The following CUX1 variants were observed in gnomAD, a reference collection of about 807,000 sequenced individuals.
CUX1 encodes cut like homeobox 1.
Under a neutral mutation model 158.8 loss-of-function variants are expected in CUX1, and 31 were observed. The observed-to-expected ratio is 0.20, with a 90% CI of 0.15 to 0.26. The LOEUF is 0.26. Ranked by LOEUF, CUX1 falls within the 10% of genes least tolerant of loss-of-function variation. CUX1 has a pLI of 1.00. For missense variants in CUX1, 1,589 were observed against 2,014.6 expected, an observed-to-expected ratio of 0.79 and a Z score of 4.04; for synonymous variants, 879 against 862.1, an observed-to-expected ratio of 1.02 and a Z score of -0.34.
At chr7:101,862,131 G>A (rs904769227) in intron 1 of CUX1, among the ~76,000 whole-genome samples, 26 of 152,224 alleles carry the variant, frequency 1.7e-4, no homozygotes, top group African/African-American at 5.8e-4. Context: ...CACTGTGCCC[G>A]GCCACCCCTA....
rs975564118 is a variant in CUX1 at position 102,251,343 on chromosome 7, T to A, written c.*2301T>A. 3.2e-5 allele frequency: 32 copies of A among 985,348 alleles called. No individual in the cohort carries two copies. The highest frequency in any genetic ancestry group is 3.7e-5 in the Non-Finnish European group (31 of 829,952). 61.0% of individuals were successfully genotyped at this position (985,348 alleles called of 1,614,324 possible). On this transcript the variant is annotated 3_prime_UTR_variant, in exon 24 of 24. Transcript: ENST00000292535. ...CTTGTAGGACTTTGACTGTAAGATG[T>A]GAAACCACGTTTCTTGCATGATGTT...
intron 21 of CUX1, among the ~76,000 whole-genome samples, chr7:102,231,584 T>C (rs933318863): frequency 6.6e-6 from 1 of 152,176 alleles, no homozygotes; most frequent in Non-Finnish European, 1.5e-5. Context: ...TGATTTTTTT[T>C]TCCCCATTCA....
chr7:101,998,889 G>A (rs1419698963), intron 2 of CUX1, among the ~76,000 whole-genome samples: 1 of 152,198 alleles, frequency 6.6e-6, no homozygotes, highest in African/African-American at 2.4e-5. Flanking sequence ...ACAGGCCCCT[G>A]AGCCCCCAGG....
At chr7:101,882,062 T>C (rs1367975974) in intron 1 of CUX1, among the ~76,000 whole-genome samples, 1 of 150,600 alleles carries the variant, frequency 6.6e-6, no homozygotes, top group Non-Finnish European at 1.5e-5. Context: ...TGCACGCCTG[T>C]AGTCCCATCT....
intron 8 of CUX1, among the ~76,000 whole-genome samples, chr7:102,138,390 T>G (rs1436435240): frequency 6.6e-6 from 1 of 152,204 alleles, no homozygotes; most frequent in Non-Finnish European, 1.5e-5. Flanking sequence ...ATCTCTGTCC[T>G]AGGCTTTCTG....
At chr7:102,273,131 C>CCAGA (rs1791347697) in intron 14 of CUX1, among the ~76,000 whole-genome samples, 1 of 152,240 alleles carries the variant, frequency 6.6e-6, no homozygotes, top group Non-Finnish European at 1.5e-5. Flanking sequence ...TTTCATCAAT[C>CCAGA]CAGAGAGTGC....
At chr7:102,169,147 G>A (rs1791438926) in intron 9 of CUX1, among the ~76,000 whole-genome samples, 1 of 151,758 alleles carries the variant, frequency 6.6e-6, no homozygotes, top group Non-Finnish European at 1.5e-5. Context: ...TGGTCAGGCT[G>A]GTCTCGAACT....
rs147305292 is a variant in CUX1, at chr7:102,203,817, G to A, written c.2908-574G>A. On this transcript the variant is annotated intron_variant, in intron 18 of 23. Transcript: ENST00000292535. Reference sequence around the variant, plus strand: ...TACACGCAACTCGGCAATCATCTGCGGCGGAATGTCACTCCCAGGCCGGCT... The same window carrying A: ...TACACGCAACTCGGCAATCATCTGCAGCGGAATGTCACTCCCAGGCCGGCT... Among the ~76,000 whole-genome samples, 7 of 152,208 alleles carry A rather than the reference G, an allele frequency of 4.6e-5. No individual in the cohort carries two copies. The East Asian group carries it at 5.8e-4, about 13-fold the overall frequency.
chr7:101,984,090 AT>A (rs55654364), intron 2 of CUX1, among the ~76,000 whole-genome samples: 16,604 of 33,956 alleles, frequency 0.49, 4,295 homozygotes, highest in East Asian at 0.58. Flanking sequence ...AAAAAAAAAA[AT>A]ATATATATAT....
At chr7:102,238,405 C>G (rs1027730670) in intron 22 of CUX1, among the ~76,000 whole-genome samples, 1 of 152,232 alleles carries the variant, frequency 6.6e-6, no homozygotes, top group East Asian at 1.9e-4. Flanking sequence ...CTGGTCACTC[C>G]TCACTGTGTC....
chr7:102,025,119 C>T (rs1299066125), intron 2 of CUX1, among the ~76,000 whole-genome samples: 1 of 152,182 alleles, frequency 6.6e-6, no homozygotes, highest in Non-Finnish European at 1.5e-5. Flanking sequence ...CTCTGAGCCT[C>T]CTGCCTGTCT....
intron 2 of CUX1, among the ~76,000 whole-genome samples, chr7:101,938,862 G>A (rs974859400): frequency 5.3e-5 from 8 of 151,704 alleles, no homozygotes; most frequent in Non-Finnish European, 1.2e-4. Flanking sequence ...CCAACATGGT[G>A]ATACTTCGCC....
chr7:101,993,117 G>A (rs1815365905), intron 2 of CUX1, among the ~76,000 whole-genome samples: 1 of 152,148 alleles, frequency 6.6e-6, no homozygotes, highest in Non-Finnish European at 1.5e-5. Context: ...ATCACCTTAG[G>A]TCAGGAGTTC....
chr7:102,189,675 C>T, intron 11 of CUX1, 138 bp from the exon 12 acceptor site: 1 of 868,408 alleles, frequency 1.2e-6, no homozygotes, highest in Non-Finnish European at 1.9e-6. Flanking sequence ...AAAGATGGCC[C>T]CAGCACCGTT....
At chr7:101,821,038 A>AGT (rs146581296) in intron 1 of CUX1, among the ~76,000 whole-genome samples, 2 of 152,028 alleles carry the variant, frequency 1.3e-5, no homozygotes, top group Non-Finnish European at 2.9e-5. Flanking sequence ...TGCCGAGAGA[A>AGT]GTGTGTGTGT....
rs535835367 is a variant in CUX1, at chr7:102,096,875, A to G, written c.269-489A>G. On this transcript the variant is annotated intron_variant, in intron 4 of 23. Coordinates refer to ENST00000292535, the MANE Select transcript of CUX1 (RefSeq NM_181552.4). ...ATTGTTGTAAGGCTCAAAAGACACA[A>G]TCTCCATAAAGTGTCCCGTGAACTG... Among the ~76,000 whole-genome samples, 5 of 152,206 alleles carry G rather than the reference A, an allele frequency of 3.3e-5. No individual in the cohort carries two copies. In the South Asian group the frequency reaches 1.0e-3, roughly 32 times the overall value.
chr7:102,281,825 C>G (rs1487066372), intron 20 of CUX1: 2 of 1,596,598 alleles, frequency 1.3e-6, no homozygotes, highest in African/African-American at 1.3e-5. Context: ...CCACTCACCC[C>G]CTCCTTGCTC....
chr7:102,015,244 T>G (rs1484864545), intron 2 of CUX1, among the ~76,000 whole-genome samples: 1 of 152,150 alleles, frequency 6.6e-6, no homozygotes, highest in African/African-American at 2.4e-5. Context: ...TATTTTATTT[T>G]TGGGATGGAG....
At chr7:102,093,817 G>A (rs1426218329) in intron 4 of CUX1, among the ~76,000 whole-genome samples, 2 of 152,194 alleles carry the variant, frequency 1.3e-5, no homozygotes. Flanking sequence ...TTGGGTGGGC[G>A]GAGCTGGCAG....
Sources: allele counts gnomAD v4.1 joint callset (sites outside exome capture counted in the v4.1 genomes callset), GRCh38; gene constraint gnomAD v4.1.1; transcripts MANE v1.5; gene names NCBI Gene and HGNC (gene_info 2026-07-23, HGNC 2026-07-21).